CCDC38: variants seen among roughly 807,000 people sequenced by gnomAD.
The protein encoded by CCDC38 is coiled-coil domain containing 38, also known as coiled-coil domain-containing protein 38.
CCDC38 carries 69 observed loss-of-function variants against 72.8 expected under a neutral mutation model. That is an observed-to-expected ratio of 0.95 (90% CI 0.78 to 1.16). The LOEUF (loss-of-function observed/expected upper bound fraction) is 1.16. Among genes scored for constraint, CCDC38 ranks in the 50% most tolerant of loss-of-function variants. The pLI is 0.00. For missense variants in CCDC38, 626 were observed against 638.9 expected (o/e 0.98, Z 0.22); for synonymous variants, 201 against 213.2 (o/e 0.94, Z 0.50).
chr12:95,869,504 T>C lies in CCDC38; in HGVS notation c.1554A>G (p.Lys518=). 6.2e-7 allele frequency: 1 copy of C among 1,612,530 alleles called. No homozygotes were observed. The highest frequency in any genetic ancestry group is 8.5e-7 in the Non-Finnish European group (1 of 1,179,178). The change falls in exon 15 of 16, where the codon AAA becomes AAG. Residue 518 remains lysine, a synonymous_variant. Transcript: ENST00000344280. ...CCTTTTTCTTTGGTTGTGCTACTGCTTTTTCCAGAGCAGCTTTTAGCCTTT... is the reference window on the plus strand; with the variant it reads ...CCTTTTTCTTTGGTTGTGCTACTGCCTTTTCCAGAGCAGCTTTTAGCCTTT... The part of the protein sequence containing the change: ...QQERLKAALE[K]AVAQPKKKLG...
chr12:95,883,612 G>C (rs2079725157), intron 10 of CCDC38, among the ~76,000 whole-genome samples: 1 of 152,136 alleles, frequency 6.6e-6, no homozygotes, highest in South Asian at 2.1e-4. Flanking sequence ...CTCTCCTCTG[G>C]GTTGAGTCCT....
intron 4 of CCDC38, among the ~76,000 whole-genome samples, chr12:95,910,136 C>T (rs959984347): frequency 3.3e-5 from 5 of 152,036 alleles, no homozygotes; most frequent in African/African-American, 7.2e-5. Context: ...TGATATGGTT[C>T]GATACCTAAA....
At chr12:95,873,869 T>TA (rs1266031904) in intron 13 of CCDC38, among the ~76,000 whole-genome samples, 2 of 152,234 alleles carry the variant, frequency 1.3e-5, no homozygotes, top group Admixed American at 1.3e-4. Context: ...CCTCCTAGCT[T>TA]AAAAAGCTTT....
chr12:95,877,218 G>T (rs2079645397), intron 13 of CCDC38, among the ~76,000 whole-genome samples: 1 of 152,166 alleles, frequency 6.6e-6, no homozygotes, highest in Non-Finnish European at 1.5e-5. Context: ...GGCTCCAGAG[G>T]AAGGTCTTCA....
intron 5 of CCDC38, chr12:95,903,376 CA>C (rs1168296134): frequency 1.4e-6 from 1 of 691,888 alleles, no homozygotes; most frequent in East Asian, 2.7e-5. Context: ...AAATGTCTTT[CA>C]TTTTTTTTTC....
chr12:95,880,733 G>A (rs1000098398), intron 11 of CCDC38, among the ~76,000 whole-genome samples: 3 of 151,474 alleles, frequency 2.0e-5, no homozygotes, highest in Admixed American at 6.6e-5. Flanking sequence ...AGTGAAATAA[G>A]CCAGGCACAA....
intron 4 of CCDC38, among the ~76,000 whole-genome samples, chr12:95,911,110 C>A (rs1255294568): frequency 6.6e-6 from 1 of 152,030 alleles, no homozygotes; most frequent in Non-Finnish European, 1.5e-5. Flanking sequence ...TGATTGTCAA[C>A]AAAGATGACA....
At position 95,867,095 on chromosome 12, in the gene CCDC38, T is replaced by C; in HGVS notation, c.1673A>G (p.Glu558Gly). The C allele has an allele frequency of 6.3e-7, 1 of 1,584,336 alleles. No individual in the cohort carries two copies. Among genetic ancestry groups the C allele is most frequent in the Non-Finnish European group, 8.7e-7 (1 of 1,155,754 alleles). The change falls in exon 16 of 16, where the codon GAA (glutamate) becomes GGA (glycine). Residue 558 changes from glutamate (E) to glycine (G), a missense_variant. By Grantham distance (98) the Glu-to-Gly change is moderately conservative (BLOSUM62 -2). Coordinates refer to ENST00000344280, the MANE Select transcript of CCDC38 (RefSeq NM_182496.3). ...VNETKTKSQE[E>G]EYFFT is the part of the protein sequence containing the mutation. The stretch of plus-strand genomic sequence containing the variant: ...TTTTATTCAAGTAAAAAAATATTCT[T>C]CCTCTTGTGATTTTGTTTTTGTTTC...
intron 7 of CCDC38, among the ~76,000 whole-genome samples, chr12:95,895,620 G>A (rs1054265461): frequency 1.3e-5 from 2 of 152,004 alleles, no homozygotes; most frequent in Non-Finnish European, 2.9e-5. Flanking sequence ...AGGTATGGTG[G>A]TGGGCGCCTG....
At chr12:95,937,179 C>G (rs939919425) in intron 1 of CCDC38, among the ~76,000 whole-genome samples, 1 of 152,116 alleles carries the variant, frequency 6.6e-6, no homozygotes, top group Non-Finnish European at 1.5e-5. Flanking sequence ...CTATAATGAA[C>G]AAAATATCAA....
chr12:95,893,564 C>T (rs1181992760), intron 8 of CCDC38, among the ~76,000 whole-genome samples: 1 of 151,776 alleles, frequency 6.6e-6, no homozygotes, highest in Non-Finnish European at 1.5e-5. Context: ...TAACTCACTA[C>T]AACCTCAACT....
At chr12:95,920,557 T>G (rs1482497880) in intron 2 of CCDC38, among the ~76,000 whole-genome samples, 1 of 152,098 alleles carries the variant, frequency 6.6e-6, no homozygotes, top group Non-Finnish European at 1.5e-5. Flanking sequence ...TGCTACAACA[T>G]GGATGAACAT....
At chr12:95,930,607 T>A (rs2080327660) in intron 2 of CCDC38, among the ~76,000 whole-genome samples, 1 of 152,180 alleles carries the variant, frequency 6.6e-6, no homozygotes, top group Non-Finnish European at 1.5e-5. Flanking sequence ...CTTACTTTAA[T>A]TACTTTTGCA....
intron 2 of CCDC38, among the ~76,000 whole-genome samples, chr12:95,929,446 C>T (rs1368191010): frequency 2.0e-5 from 3 of 152,180 alleles, no homozygotes; most frequent in Non-Finnish European, 4.4e-5. Context: ...GTCTGGCACT[C>T]CCTAGTGAGA....
chr12:95,875,066 T>C (rs2079621339), intron 13 of CCDC38, among the ~76,000 whole-genome samples: 1 of 152,284 alleles, frequency 6.6e-6, no homozygotes, highest in African/African-American at 2.4e-5. Flanking sequence ...TAACAACTGC[T>C]ACACTAAACA....
intron 9 of CCDC38, among the ~76,000 whole-genome samples, chr12:95,889,611 C>A (rs2079800748): frequency 6.6e-6 from 1 of 152,134 alleles, no homozygotes; most frequent in Admixed American, 6.5e-5. Context: ...GGGCAGGCAA[C>A]TTGTATTCCT....
At position 95,878,964 on chromosome 12, in the gene CCDC38, A is replaced by G. The variant is rs576304638; in HGVS notation, c.1143-618T>C. 4.0e-4 allele frequency among the ~76,000 whole-genome samples: 61 copies of G among 152,204 alleles called. 1 individual carries two copies. The highest frequency in any genetic ancestry group is 5.6e-4 in the Non-Finnish European group (38 of 68,030). ...TTGTTTTGAAGTTAAATGTAGTTTGACCTATTGTTTAAAAAGATTGCCATC... is the reference window on the plus strand; with the variant it reads ...TTGTTTTGAAGTTAAATGTAGTTTGGCCTATTGTTTAAAAAGATTGCCATC... On this transcript the variant is annotated intron_variant, in intron 12 of 15. Coordinates refer to ENST00000344280, the MANE Select transcript of CCDC38 (RefSeq NM_182496.3).
In CCDC38 at chr12:95,878,213, G is replaced by A. The variant is rs968009948; in HGVS notation, c.1276C>T (p.Gln426Ter). The change falls in exon 13 of 16, where the codon CAG becomes TAG. Residue 426 changes from glutamine (Q) to a stop codon, truncating the protein, a stop_gained and splice_region_variant. Coordinates refer to ENST00000344280, the MANE Select transcript of CCDC38 (RefSeq NM_182496.3). LOFTEE classifies it high-confidence loss of function. ...ACCATAGGCAAAGAGTGATTTACCT[G>A]AGCATCTGAATTAAATTCTCCAAAG... ...FSFGEFNSDA[Q>*]EILIDSLSKK... 2.5e-6 allele frequency: 4 copies of A among 1,612,738 alleles called. No homozygotes were observed. Among genetic ancestry groups the A allele is most frequent in the African/African-American group, 1.3e-5 (1 of 74,858 alleles).
chr12:95,909,858 A>C (rs367721288), intron 4 of CCDC38, among the ~76,000 whole-genome samples: 2 of 152,320 alleles, frequency 1.3e-5, no homozygotes, highest in South Asian at 2.1e-4. Flanking sequence ...ACATCCCCTT[A>C]TGATAAATAC....
Sources: gnomAD v4.1 joint callset for allele counts (sites outside exome capture counted in the v4.1 genomes callset) on GRCh38, gnomAD v4.1.1 for gene constraint, MANE v1.5 for transcripts, NCBI Gene and HGNC (gene_info 2026-07-23, HGNC 2026-07-21) for gene names.